Variants in ARHGAP15 observed in about 807,000 individuals in gnomAD.
ARHGAP15 encodes rho GTPase-activating protein 15.
A neutral mutation model predicts 63.7 loss-of-function variants in ARHGAP15; 51 were observed. The observed-to-expected ratio is 0.80, with a 90% CI of 0.64 to 1.01. The LOEUF (loss-of-function observed/expected upper bound fraction) is 1.01, where lower values mean the gene tolerates loss of function less well. Ranked by LOEUF, ARHGAP15 falls within the 50% of genes least tolerant of loss-of-function variation. ARHGAP15 has a pLI of 0.00. For synonymous variants in ARHGAP15, 191 were observed against 193.8 expected, an observed-to-expected ratio of 0.99 and a Z score of 0.12; for missense variants, 560 against 564.6, an observed-to-expected ratio of 0.99 and a Z score of 0.08.
At chr2:143,206,767 T>G (rs1352950322) in intron 3 of ARHGAP15, among the ~76,000 whole-genome samples, 1 of 152,110 alleles carries the variant, frequency 6.6e-6, no homozygotes, top group African/African-American at 2.4e-5. Flanking sequence ...GGTTTTATTT[T>G]AAATAAATTT....
intron 6 of ARHGAP15, among the ~76,000 whole-genome samples, chr2:143,361,302 G>A (rs937515020): frequency 1.3e-5 from 2 of 152,164 alleles, no homozygotes; most frequent in Non-Finnish European, 2.9e-5. Context: ...CAAGAGGCAC[G>A]TGCCAATTCT....
At chr2:143,671,782 A>G (rs2105349812) in intron 12 of ARHGAP15, among the ~76,000 whole-genome samples, 1 of 152,318 alleles carries the variant, frequency 6.6e-6, no homozygotes, top group East Asian at 1.9e-4. Flanking sequence ...ATTATGCAGC[A>G]TATTCAACTG....
chr2:143,155,770 T>C (rs922149109), intron 2 of ARHGAP15, 115 bp downstream of exon 2: 34 of 1,096,972 alleles, frequency 3.1e-5, no homozygotes, highest in Non-Finnish European at 4.1e-5. Context: ...ATGAGAAAAC[T>C]GTTTTTGTAA....
chr2:143,303,766 A>G (rs1336780530), intron 6 of ARHGAP15, among the ~76,000 whole-genome samples: 3 of 152,128 alleles, frequency 2.0e-5, no homozygotes, highest in Non-Finnish European at 4.4e-5. Flanking sequence ...AATTTACAAG[A>G]AAAAACCCCA....
intron 13 of ARHGAP15, among the ~76,000 whole-genome samples, chr2:143,730,764 A>G (rs1172549727): frequency 6.6e-6 from 1 of 152,096 alleles, no homozygotes; most frequent in African/African-American, 2.4e-5. Flanking sequence ...GAGTCTAAAA[A>G]TCAGGAAGTA....
chr2:143,231,557 T>C (rs1343781121), intron 5 of ARHGAP15, among the ~76,000 whole-genome samples: 1 of 152,230 alleles, frequency 6.6e-6, no homozygotes, highest in Non-Finnish European at 1.5e-5. Flanking sequence ...CCTTTGGCTC[T>C]TACCCTTACT....
intron 11 of ARHGAP15, chr2:143,608,731 G>A (rs894191348): frequency 6.6e-6 from 1 of 152,078 alleles, no homozygotes; most frequent in Admixed American, 6.6e-5. Flanking sequence ...ATGCAAAAAG[G>A]TTTGAAATAA....
chr2:143,188,846 G>A (rs1278905695), intron 2 of ARHGAP15, among the ~76,000 whole-genome samples: 3 of 151,586 alleles, frequency 2.0e-5, no homozygotes, highest in Non-Finnish European at 4.4e-5. Flanking sequence ...GACTGGTCTC[G>A]AACCCCTGAC....
At chr2:143,165,393 A>G (rs1376035437) in intron 2 of ARHGAP15, among the ~76,000 whole-genome samples, 2 of 152,116 alleles carry the variant, frequency 1.3e-5, no homozygotes, top group East Asian at 1.9e-4. Context: ...TGCTGTCTTC[A>G]TATTTCCAAT....
At chr2:143,397,346 G>GTGTA (rs1553474287) in intron 6 of ARHGAP15, among the ~76,000 whole-genome samples, 1 of 129,370 alleles carries the variant, frequency 7.7e-6, no homozygotes, top group Non-Finnish European at 1.6e-5. Flanking sequence ...GTGTGTGTGT[G>GTGTA]TATATATATA....
chr2:143,427,489 T>C (rs1024856577), intron 6 of ARHGAP15, among the ~76,000 whole-genome samples: 4 of 151,980 alleles, frequency 2.6e-5, no homozygotes, highest in Non-Finnish European at 5.9e-5. Context: ...AATTTTGAAC[T>C]TATGTTCCAG....
chr2:143,617,936 T>C (rs758251426), intron 11 of ARHGAP15, among the ~76,000 whole-genome samples: 5 of 152,198 alleles, frequency 3.3e-5, no homozygotes, highest in Non-Finnish European at 7.3e-5. Context: ...CTCTGTTTGT[T>C]TGAAAACAAT....
chr2:143,318,866 G>T (rs111293514), intron 6 of ARHGAP15, among the ~76,000 whole-genome samples: 4 of 152,200 alleles, frequency 2.6e-5, no homozygotes, highest in Admixed American at 6.5e-5. Context: ...AATGAATGTT[G>T]TTGAGTTTGC....
At chr2:143,623,544 A>G (rs913180297) in intron 11 of ARHGAP15, among the ~76,000 whole-genome samples, 1 of 152,190 alleles carries the variant, frequency 6.6e-6, no homozygotes, top group Non-Finnish European at 1.5e-5. Flanking sequence ...TAAAAAAAAA[A>G]GATTTTGAAG....
chr2:143,420,848 A>G (rs1688887324), intron 6 of ARHGAP15, among the ~76,000 whole-genome samples: 1 of 152,144 alleles, frequency 6.6e-6, no homozygotes, highest in Admixed American at 6.5e-5. Context: ...CATGTGCTAT[A>G]TTTGCATTAA....
At chr2:143,135,329 A>G (rs1689093916) in intron 1 of ARHGAP15, among the ~76,000 whole-genome samples, 1 of 152,194 alleles carries the variant, frequency 6.6e-6, no homozygotes, top group African/African-American at 2.4e-5. Context: ...ACACAATACA[A>G]TTGTGGATTT....
At chr2:143,657,624 A>C (rs1035906999) in intron 12 of ARHGAP15, among the ~76,000 whole-genome samples, 1 of 152,222 alleles carries the variant, frequency 6.6e-6, no homozygotes, top group Non-Finnish European at 1.5e-5. Flanking sequence ...TAATGTTTCA[A>C]AGTATAATTT....
At chr2:143,637,194 G>A (rs1353656236) in intron 12 of ARHGAP15, among the ~76,000 whole-genome samples, 1 of 152,076 alleles carries the variant, frequency 6.6e-6, no homozygotes, top group East Asian at 1.9e-4. Flanking sequence ...GTGAATAAGA[G>A]AAATCATACT....
At chr2:143,200,595 CCTT>C (rs1242084391) in intron 2 of ARHGAP15, among the ~76,000 whole-genome samples, 1 of 151,954 alleles carries the variant, frequency 6.6e-6, no homozygotes, top group African/African-American at 2.4e-5. Context: ...CTTCTTCCCT[CCTT>C]CTTTCTCTCC....
Sources: gnomAD v4.1 joint callset for allele counts (sites outside exome capture counted in the v4.1 genomes callset) on GRCh38, gnomAD v4.1.1 for gene constraint, MANE v1.5 for transcripts, NCBI Gene and HGNC (gene_info 2026-07-23, HGNC 2026-07-21) for gene names.